TIAM1: variants seen among roughly 807,000 people sequenced by gnomAD.
TIAM1 encodes rho guanine nucleotide exchange factor TIAM1.
TIAM1 carries 65 observed loss-of-function variants against 163.5 expected under a neutral mutation model. The ratio of observed to expected loss-of-function variants is 0.40; its 90% confidence interval spans 0.33 to 0.49. TIAM1 has a LOEUF of 0.49. Among genes scored for constraint, TIAM1 ranks in the 20% least tolerant of loss-of-function variants. The pLI is 0.77. For missense variants in TIAM1, 1,789 were observed against 2,044.7 expected (o/e 0.87, Z 2.41); for synonymous variants, 833 against 810.1 (o/e 1.03, Z -0.48).
chr21:31,342,780 T>A (rs1331659855), intron 1 of TIAM1, among the ~76,000 whole-genome samples: 1 of 152,196 alleles, frequency 6.6e-6, no homozygotes, highest in Non-Finnish European at 1.5e-5. Flanking sequence ...ATGCAACCTG[T>A]TGTTCTTCCC....
At chr21:31,226,346 T>G (rs138412297) in intron 6 of TIAM1, among the ~76,000 whole-genome samples, 8 of 152,312 alleles carry the variant, frequency 5.3e-5, no homozygotes, top group African/African-American at 1.9e-4. Context: ...GGGACATTAC[T>G]GACATAGGAA....
At chr21:31,376,474 G>A (rs1053552884) in intron 2 of TIAM1, among the ~76,000 whole-genome samples, 8 of 152,110 alleles carry the variant, frequency 5.3e-5, no homozygotes, top group South Asian at 2.1e-4. Flanking sequence ...CTGATTATGC[G>A]TGCTAATGAA....
chr21:31,178,601 C>T (rs955478570), intron 15 of TIAM1, among the ~76,000 whole-genome samples: 6 of 151,812 alleles, frequency 4.0e-5, no homozygotes, highest in Admixed American at 6.6e-5. Context: ...CCACTGAGCC[C>T]GGCCAGGAAT....
chr21:31,469,666 A>G (rs889064519), intron 1 of TIAM1, among the ~76,000 whole-genome samples: 1 of 151,766 alleles, frequency 6.6e-6, no homozygotes, highest in African/African-American at 2.4e-5. Context: ...ATTTCTACTA[A>G]AAAAAGTACA....
intron 1 of TIAM1, among the ~76,000 whole-genome samples, chr21:31,504,397 T>C (rs1467116658): frequency 6.6e-6 from 1 of 152,238 alleles, no homozygotes; most frequent in Non-Finnish European, 1.5e-5. Flanking sequence ...GCTGCCACTA[T>C]GTCAAAAAGA....
rs78649847 is a variant in TIAM1 at position 31,395,840 on chromosome 21, A to C, written c.-368-56418T>G. 2.9e-3 allele frequency among the ~76,000 whole-genome samples: 448 copies of C among 152,296 alleles called. 4 individuals are homozygous for C. The highest frequency in any genetic ancestry group is 3.7e-3 in the East Asian group (19 of 5,180). On this transcript the variant is annotated intron_variant, in intron 2 of 28. Transcript: ENST00000286827. The surrounding 1 kb of genome is among the most constrained non-coding windows in gnomAD (Gnocchi z 7.5). ...ATCCTAATTAGGAAACAACATGTAC[A>C]TGCCTGAAACAGCAGGCCAGTAGGG...
At position 31,139,569 on chromosome 21, in the gene TIAM1, C is replaced by T. The variant is rs1235703796; in HGVS notation, c.3774+1549G>A. Among the ~76,000 whole-genome samples the T allele has an allele frequency of 3.9e-5, 6 of 152,216 alleles. No homozygotes were observed. In the East Asian group the frequency reaches 9.6e-4, roughly 24 times the overall value. ...TTCTATGTCTTGAAACCATAGTTTT[C>T]TTCTTGCCTTTTTCTGTATTTTGCC... On this transcript the variant is annotated intron_variant, in intron 22 of 27. Transcript: ENST00000541036.
chr21:31,370,850 TAGAA>T (rs2076586107), intron 2 of TIAM1, among the ~76,000 whole-genome samples: 1 of 152,070 alleles, frequency 6.6e-6, no homozygotes. Flanking sequence ...CTTGAAAAAA[TAGAA>T]AGATCTGGCA....
chr21:31,284,241 C>T (rs1021276191), intron 2 of TIAM1, among the ~76,000 whole-genome samples: 2 of 152,158 alleles, frequency 1.3e-5, no homozygotes, highest in African/African-American at 4.8e-5. Flanking sequence ...AATCCTTAAA[C>T]CGCACACCAA....
chr21:31,339,458 G>A, intron 1 of TIAM1, 36 bp from the exon 2 acceptor site: 1 of 398,512 alleles, frequency 2.5e-6, no homozygotes, highest in Admixed American at 4.4e-5. Context: ...TGGGTTTTGT[G>A]CTTCGTTTTT....
Position 31,182,574 on chromosome 21 carries a change from T to G in TIAM1, c.2734A>C (p.Lys912Gln). Reference sequence around the variant, plus strand: ...AGCGAGGGCTGTGAGAGGAAATCTTTGAGCATAGAAGAGTTCAGGGCGTCA... The same window carrying G: ...AGCGAGGGCTGTGAGAGGAAATCTTGGAGCATAGAAGAGTTCAGGGCGTCA... ...AADALNSSML[K>Q]DFLSQPSLGL... The change falls in exon 15 of 28, where the codon AAA (lysine) becomes CAA (glutamine). Residue 912 changes from lysine (K) to glutamine (Q), a missense_variant. By Grantham distance (53) the Lys-to-Gln change is moderately conservative (BLOSUM62 1). Around this residue, in one of 5 missense-constraint regions of TIAM1, gnomAD observed 303 missense variants for 321.3 expected, o/e 0.94. Coordinates refer to ENST00000541036, the MANE Select transcript of TIAM1 (RefSeq NM_001353694.2). The G allele has an allele frequency of 6.2e-7, 1 of 1,614,118 alleles. No individual in the cohort carries two copies. The highest frequency in any genetic ancestry group is 8.5e-7 in the Non-Finnish European group (1 of 1,179,992).
intron 5 of TIAM1, 31 bp downstream of exon 5, chr21:31,251,711 T>A: frequency 6.5e-7 from 1 of 1,545,072 alleles, no homozygotes; most frequent in Non-Finnish European, 8.8e-7. Context: ...TTGGTGCATT[T>A]GGCACATAGC....
At chr21:31,507,351 C>G (rs1211325953) in intron 1 of TIAM1, among the ~76,000 whole-genome samples, 1 of 150,930 alleles carries the variant, frequency 6.6e-6, no homozygotes, top group Non-Finnish European at 1.5e-5. Context: ...ATTACAGGCA[C>G]CTGCCACCAT....
intron 1 of TIAM1, among the ~76,000 whole-genome samples, chr21:31,558,198 G>C (rs1029064940): frequency 1.3e-5 from 2 of 152,158 alleles, no homozygotes; most frequent in African/African-American, 4.8e-5. Flanking sequence ...GCATCGCAGC[G>C]GCAGAGCTGG....
chr21:31,205,734 G>T (rs980789264), intron 11 of TIAM1, among the ~76,000 whole-genome samples: 1 of 152,210 alleles, frequency 6.6e-6, no homozygotes. Context: ...GGGAGGCCAA[G>T]GTGGGCTAGT....
intron 2 of TIAM1, among the ~76,000 whole-genome samples, chr21:31,303,119 C>CA (rs972027776): frequency 1.3e-5 from 2 of 151,910 alleles, no homozygotes; most frequent in African/African-American, 4.8e-5. Context: ...GTCACAGTAA[C>CA]AAAAAAGTGG....
At chr21:31,473,429 C>CAAAAAAAAAAAA (rs56691495) in intron 1 of TIAM1, among the ~76,000 whole-genome samples, 18 of 75,738 alleles carry the variant, frequency 2.4e-4, no homozygotes, top group South Asian at 6.4e-4. Flanking sequence ...GACTCCATCT[C>CAAAAAAAAAAAA]AAAAAAAAAA....
At chr21:31,299,140 GCATC>G (rs1294063377) in intron 2 of TIAM1, among the ~76,000 whole-genome samples, 2 of 152,062 alleles carry the variant, frequency 1.3e-5, no homozygotes, top group Non-Finnish European at 2.9e-5. Context: ...TGAACACAGT[GCATC>G]CAAAAACCTT....
In TIAM1 at chr21:31,165,141, A is replaced by G. The variant is rs571922338; in HGVS notation, c.2888-76T>C. ...TAAAAGCCACCCCTGTGTGAGGGGG[A>G]CAAGGAATCTCGCTCATGACATGTA... On this transcript the variant is annotated intron_variant, in intron 15 of 27. Transcript: ENST00000541036. 5.9e-4 allele frequency: 797 copies of G among 1,343,362 alleles called. 2 individuals are homozygous for G. The highest frequency in any genetic ancestry group is 8.0e-4 in the Non-Finnish European group (759 of 948,586). The allele number at this position is 1,343,362 out of a possible 1,614,324, so 83.2% of individuals were successfully genotyped here.
Sources: allele counts gnomAD v4.1 joint callset (sites outside exome capture counted in the v4.1 genomes callset), GRCh38; gene constraint gnomAD v4.1.1; regional missense constraint gnomAD v4.1.1; non-coding constraint Gnocchi (gnomAD v3.1); transcripts MANE v1.5; gene names NCBI Gene and HGNC (gene_info 2026-07-23, HGNC 2026-07-21).